The following ITGA11 variants were observed in gnomAD, a reference collection of about 807,000 sequenced individuals.
The protein encoded by ITGA11 is integrin subunit alpha 11.
Under a neutral mutation model 141.9 loss-of-function variants are expected in ITGA11, and 97 were observed. The observed-to-expected ratio is 0.68, with a 90% CI of 0.58 to 0.81. The LOEUF (loss-of-function observed/expected upper bound fraction) is 0.81. Ranked by LOEUF, ITGA11 falls within the 30% of genes least tolerant of loss-of-function variation. ITGA11 has a pLI of 0.00. For missense variants in ITGA11, 1,387 were observed against 1,559.2 expected (o/e 0.89, Z 1.86); for synonymous variants, 658 against 624.6 (o/e 1.05, Z -0.80).
chr15:68,347,292 G>A (rs367733971), intron 10 of ITGA11, among the ~76,000 whole-genome samples: 1 of 152,162 alleles, frequency 6.6e-6, no homozygotes, highest in Admixed American at 6.5e-5. Context: ...CTGGCATCAG[G>A]CTCAGGACCC....
chr15:68,306,551 ATC>A (rs1216058807), intron 28 of ITGA11, among the ~76,000 whole-genome samples: 20 of 152,194 alleles, frequency 1.3e-4, no homozygotes, highest in Non-Finnish European at 4.4e-5. Context: ...TGCCTAATTT[ATC>A]TCTGTTTCCC....
chr15:68,365,720 C>T (rs1341696776), intron 3 of ITGA11, among the ~76,000 whole-genome samples: 1 of 151,618 alleles, frequency 6.6e-6, no homozygotes, highest in Non-Finnish European at 1.5e-5. Flanking sequence ...TTTAATTTTC[C>T]CTTCCCTCCC....
chr15:68,429,779 TTAAC>T lies in ITGA11; in HGVS notation c.52+2232_52+2235del, dbSNP rs1897228445. 2.6e-5 allele frequency among the ~76,000 whole-genome samples: 4 copies of T among 152,306 alleles called. No individual in the cohort carries two copies. The South Asian group carries it at 8.3e-4, about 32-fold the overall frequency. On this transcript the variant is annotated intron_variant, in intron 1 of 29. Coordinates refer to ENST00000315757, the MANE Select transcript of ITGA11 (RefSeq NM_001004439.2). The stretch of plus-strand genomic sequence containing the variant: ...GGTTTTAAAATATTCATCATCTTCT[TTAAC>T]TAGTCTCAGAAAATAATACTCCAAA...
chr15:68,330,770 G>A (rs771666906), intron 15 of ITGA11, among the ~76,000 whole-genome samples: 1 of 152,156 alleles, frequency 6.6e-6, no homozygotes, highest in African/African-American at 2.4e-5. Flanking sequence ...TTCTAAGAGC[G>A]GGGGCTTTTG....
Position 68,307,808 on chromosome 15 carries a change from G to A in ITGA11, c.3175-112C>T, listed in dbSNP as rs1893252302. On this transcript the variant is annotated intron_variant, in intron 26 of 29. Coordinates refer to ENST00000315757, the MANE Select transcript of ITGA11 (RefSeq NM_001004439.2). The surrounding 1 kb of genome is among the most constrained non-coding windows in gnomAD (Gnocchi z 6.1). ...TCCTGGGGGCAGGGGCAGAGGACAG[G>A]GGACAAAGAGAAAGTTGGGAGTGGG... is the stretch of plus-strand genomic sequence containing the variant. 1 of 677,494 alleles carries A rather than the reference G, an allele frequency of 1.5e-6. No individual in the cohort carries two copies. The highest frequency in any genetic ancestry group is 2.8e-5 in the Admixed American group (1 of 36,162). The allele number at this position is 677,494 out of a possible 1,614,324, so 42.0% of individuals were successfully genotyped here.
chr15:68,429,153 A>T (rs2140447397), intron 1 of ITGA11, among the ~76,000 whole-genome samples: 1 of 152,310 alleles, frequency 6.6e-6, no homozygotes, highest in South Asian at 2.1e-4. Context: ...TCTAAGCATT[A>T]ATCTTTGTGA....
chr15:68,401,830 A>G (rs1280758956), intron 2 of ITGA11, among the ~76,000 whole-genome samples: 1 of 152,210 alleles, frequency 6.6e-6, no homozygotes, highest in African/African-American at 2.4e-5. Flanking sequence ...ACTTTGTTGT[A>G]TGTATGTTAT....
In ITGA11 at chr15:68,351,457, C is replaced by T. The variant is rs896221810; in HGVS notation, c.750-55G>A. ...GAAAGGTAAGTGGGATTGGGGCAGC[C>T]CCTGACGCTCCTGCAGAGGGGCAGC... On this transcript the variant is annotated intron_variant, in intron 7 of 29. Coordinates refer to ENST00000315757, the MANE Select transcript of ITGA11 (RefSeq NM_001004439.2). 5.1e-6 allele frequency: 8 copies of T among 1,582,784 alleles called. No homozygotes were observed. In the African/African-American group the frequency reaches 6.7e-5, roughly 13 times the overall value.
In ITGA11 at chr15:68,350,768, G is replaced by A; in HGVS notation, c.909C>T (p.Tyr303=). 1 of 1,613,224 alleles carries A rather than the reference G, an allele frequency of 6.2e-7. No homozygotes were observed. Among genetic ancestry groups the A allele is most frequent in the Non-Finnish European group, 8.5e-7 (1 of 1,179,502 alleles). Residue 303 remains tyrosine, a synonymous_variant, in exon 9 of 30, where the codon TAC becomes TAT. Coordinates refer to ENST00000315757, the MANE Select transcript of ITGA11 (RefSeq NM_001004439.2). ...TTTCTGGATTGATCCCCCTGCGGTT[G>A]TAGTAGCCCAGGACCTGCCAGGGAA... The part of the protein sequence containing the change: ...TRYAVAVLGY[Y]NRRGINPETF...
intron 10 of ITGA11, among the ~76,000 whole-genome samples, chr15:68,348,587 G>T (rs990143702): frequency 2.6e-5 from 4 of 152,208 alleles, no homozygotes; most frequent in Admixed American, 6.5e-5. Flanking sequence ...TTGTGGGAAG[G>T]ATCACCTGGG....
At chr15:68,355,445 T>C (rs1268882842) in intron 7 of ITGA11, among the ~76,000 whole-genome samples, 1 of 148,830 alleles carries the variant, frequency 6.7e-6, no homozygotes, top group Non-Finnish European at 1.5e-5. Flanking sequence ...AGTTCTTTTT[T>C]TCTTTTTTTC....
chr15:68,339,746 C>T (rs555726850), intron 10 of ITGA11, 102 bp from the exon 11 acceptor site: 44 of 1,354,698 alleles, frequency 3.2e-5, no homozygotes, highest in South Asian at 5.1e-5. Flanking sequence ...CCAGCCACCT[C>T]GGGCACCTTC....
chr15:68,426,226 T>C (rs1367046197), intron 1 of ITGA11, among the ~76,000 whole-genome samples: 1 of 152,226 alleles, frequency 6.6e-6, no homozygotes, highest in East Asian at 1.9e-4. Context: ...TCCCTTTGGG[T>C]AGAACACATC....
chr15:68,350,181 A>G (rs1285428256), intron 9 of ITGA11, among the ~76,000 whole-genome samples: 2 of 152,102 alleles, frequency 1.3e-5, no homozygotes, highest in African/African-American at 4.8e-5. Context: ...AATTGTTGGC[A>G]TTTATGATTT....
In ITGA11 at chr15:68,361,591, T is replaced by C. The variant is rs1233276016; in HGVS notation, c.471A>G (p.Gln157=). 6 of 1,596,844 alleles carry C rather than the reference T, an allele frequency of 3.8e-6. No homozygotes were observed. In the South Asian group the frequency reaches 4.6e-5, roughly 12 times the overall value. Residue 157 remains glutamine (Q), a splice_region_variant and synonymous_variant, in exon 5 of 30, where the codon CAA becomes CAG. Coordinates refer to ENST00000315757, the MANE Select transcript of ITGA11 (RefSeq NM_001004439.2). The part of the protein sequence containing the change: ...RFSKTVAPAL[Q]RCQTYMDIVI... ...GGTTGCAGATTTGAAGCCACTTACT[T>C]TGGAGAGCTGGGGCCACGGTCTTGG...
chr15:68,322,285 G>C lies in ITGA11; in HGVS notation c.2323-782C>G, dbSNP rs1020806436. ...GAATGCCTCAGGCAGGGAATGTCCT[G>C]ACAGACCTGCATGCTGAAGGCTGCC... On this transcript the variant is annotated intron_variant, in intron 18 of 29. Transcript: ENST00000315757. This position sits in a 1 kb window ranked among gnomAD's most constrained non-coding sequence, Gnocchi z 5.6. 6.6e-6 allele frequency among the ~76,000 whole-genome samples: 1 copy of C among 152,190 alleles called. No individual in the cohort carries two copies. The highest frequency in any genetic ancestry group is 1.5e-5 in the Non-Finnish European group (1 of 68,030).
intron 15 of ITGA11, among the ~76,000 whole-genome samples, chr15:68,329,745 G>A (rs1567131261): frequency 6.6e-6 from 1 of 152,220 alleles, no homozygotes; most frequent in Non-Finnish European, 1.5e-5. Context: ...CCAGGCTGCT[G>A]TTGCTGCCAC....
chr15:68,362,744 T>C (rs1895285918), intron 4 of ITGA11, among the ~76,000 whole-genome samples: 1 of 151,994 alleles, frequency 6.6e-6, no homozygotes, highest in Admixed American at 6.6e-5. Flanking sequence ...AATGGATGGA[T>C]GATGGATAGT....
chr15:68,317,837 C>T (rs1204007989), intron 20 of ITGA11, among the ~76,000 whole-genome samples: 1 of 152,120 alleles, frequency 6.6e-6, no homozygotes, highest in Admixed American at 6.5e-5. Context: ...GGGCACATGG[C>T]TGTGTATGTC....
Sources: gnomAD v4.1 joint callset for allele counts (sites outside exome capture counted in the v4.1 genomes callset) on GRCh38, gnomAD v4.1.1 for gene constraint, Gnocchi (gnomAD v3.1) non-coding constraint, MANE v1.5 for transcripts, NCBI Gene and HGNC (gene_info 2026-07-23, HGNC 2026-07-21) for gene names.